Variants in LGALS8 observed in about 807,000 individuals in gnomAD.
LGALS8 encodes galectin 8, also known as galectin-8.
A neutral mutation model predicts 35.9 loss-of-function variants in LGALS8; 30 were observed. The observed-to-expected ratio is 0.83, with a 90% CI of 0.62 to 1.13. The LOEUF is 1.13. Ranked by LOEUF, LGALS8 falls within the 50% of genes most tolerant of loss-of-function variation. The pLI, the probability that LGALS8 is intolerant of heterozygous loss-of-function variation, is 0.00. For synonymous variants in LGALS8, 138 were observed against 136.1 expected (o/e 1.01, Z -0.10); for missense variants, 366 against 388.7 (o/e 0.94, Z 0.49).
At position 236,541,698 on chromosome 1, in the gene LGALS8, A is replaced by C; in HGVS notation, c.510A>C (p.Ile170=). Residue 170 remains isoleucine (I), a synonymous_variant, in exon 6 of 10, where the codon ATA becomes ATC. Coordinates refer to ENST00000366584, the MANE Select transcript of LGALS8 (RefSeq NM_201544.4). ...CATCTAGTCTGGAACTGACAGAGAT[A>C]AGTAGAGAAAATGTAAATATTAAAT... ...TQASSLELTE[I]SRENVPKSGT... 6.7e-7 allele frequency: 1 copy of C among 1,503,638 alleles called. No individual in the cohort carries two copies. The highest frequency in any genetic ancestry group is 9.1e-7 in the Non-Finnish European group (1 of 1,104,546). 93.1% of individuals were successfully genotyped at this position (1,503,638 alleles called of 1,614,324 possible).
In LGALS8 at chr1:236,539,094, G is replaced by C; in HGVS notation, c.345+5G>C. Reference sequence around the variant, plus strand: ...GTGCTGAAGGACAAATTCCAGGTAGGTTTTGGAGAGGGACAGGTTGAGTCC... The same window carrying C: ...GTGCTGAAGGACAAATTCCAGGTAGCTTTTGGAGAGGGACAGGTTGAGTCC... On this transcript the variant is annotated splice_donor_5th_base_variant and intron_variant, in intron 4 of 9. Coordinates refer to ENST00000366584, the MANE Select transcript of LGALS8 (RefSeq NM_201544.4). 1 of 1,612,274 alleles carries C rather than the reference G, an allele frequency of 6.2e-7. No homozygotes were observed. The highest frequency in any genetic ancestry group is 1.1e-5 in the South Asian group (1 of 91,002).
intron 2 of LGALS8, among the ~76,000 whole-genome samples, chr1:236,527,058 ACTTTGCG>A (rs1184480434): frequency 6.6e-5 from 10 of 152,152 alleles, no homozygotes; most frequent in African/African-American, 2.4e-4. Flanking sequence ...ATTTAAGATG[ACTTTGCG>A]CATGTTAGAG....
chr1:236,538,107 A>AAAAAAAAG (rs1204081676), intron 3 of LGALS8, among the ~76,000 whole-genome samples: 30 of 150,920 alleles, frequency 2.0e-4, no homozygotes, highest in African/African-American at 7.3e-4. Context: ...AAGAAAAAGA[A>AAAAAAAAG]AAAGAATTAG....
rs2758997 is a variant in LGALS8 at position 236,548,510 on chromosome 1, A to G, written c.*349A>G. On this transcript the variant is annotated 3_prime_UTR_variant, in exon 10 of 10. Transcript: ENST00000366584. ...CAGATTTTTTTTGGTAAAACTGTGA[A>G]GAGCTAGGATATATACTTGGTGAAA... 0.73 allele frequency: 208,283 copies of G among 284,594 alleles called. 76,845 individuals are homozygous for G. Among genetic ancestry groups the G allele is most frequent in the Admixed American group, 0.77 (15,966 of 20,816 alleles). The allele number at this position is 284,594 out of a possible 1,614,324, so 17.6% of individuals were successfully genotyped here.
intron 3 of LGALS8, among the ~76,000 whole-genome samples, chr1:236,538,255 G>A (rs952189764): frequency 6.6e-6 from 1 of 152,136 alleles, no homozygotes; most frequent in Non-Finnish European, 1.5e-5. Flanking sequence ...GGTATCATTA[G>A]TGTTGGGCTC....
chr1:236,529,872 C>T (rs1338908184), intron 2 of LGALS8, among the ~76,000 whole-genome samples: 2 of 152,004 alleles, frequency 1.3e-5, no homozygotes, highest in Non-Finnish European at 2.9e-5. Context: ...AGCCTGGTCT[C>T]GAACTCCTGA....
chr1:236,522,944 G>A (rs930206382), upstream of LGALS8: 1 of 152,138 alleles, frequency 6.6e-6, no homozygotes, highest in Admixed American at 6.6e-5. Flanking sequence ...CAAAAGCCAG[G>A]GAGGAGAAAG....
chr1:236,549,142 T>C lies in LGALS8; in HGVS notation c.*981T>C. 2.5e-6 allele frequency: 1 copy of C among 396,614 alleles called. No homozygotes were observed. Among genetic ancestry groups the C allele is most frequent in the Non-Finnish European group, 4.4e-6 (1 of 225,230 alleles). The allele number at this position is 396,614 out of a possible 1,614,324, so 24.6% of individuals were successfully genotyped here. The stretch of plus-strand genomic sequence containing the variant: ...GGCAGAGGTAATGCAGAAATCTGTT[T>C]TGTTCCCATGAAATCACCAATCAAG... On this transcript the variant is annotated 3_prime_UTR_variant, in exon 10 of 10. Coordinates refer to ENST00000366584, the MANE Select transcript of LGALS8 (RefSeq NM_201544.4).
At chr1:236,529,647 C>A (rs1439924742) in intron 2 of LGALS8, among the ~76,000 whole-genome samples, 5 of 106,096 alleles carry the variant, frequency 4.7e-5, no homozygotes, top group Non-Finnish European at 9.4e-5. Flanking sequence ...TCTTTCTTCT[C>A]TTTTTTTTTT....
In LGALS8 at chr1:236,537,581, G is replaced by C. The variant is rs749916125; in HGVS notation, c.130G>C (p.Asp44His). 4 of 1,596,762 alleles carry C rather than the reference G, an allele frequency of 2.5e-6. No homozygotes were observed. In the South Asian group the frequency reaches 4.4e-5, roughly 18 times the overall value. ...ACGTGGGCATGTTCCTAGTGACGCA[G>C]ACAGGTAAAATCACTGTGCTAAAGG... ...VIRGHVPSDA[D>H]RFQVDLQNGS... The change falls in exon 3 of 10, where the codon GAC becomes CAC. Residue 44 changes from aspartate (D) to histidine (H), a missense_variant. By Grantham distance (81) the Asp-to-His change is moderately conservative. Transcript: ENST00000366584.
chr1:236,519,565 G>A (rs546893132), upstream of LGALS8, among the ~76,000 whole-genome samples: 126 of 152,264 alleles, frequency 8.3e-4, no homozygotes, highest in African/African-American at 2.9e-3. Flanking sequence ...AATATCTATT[G>A]TTCTGAAACT....
intron 2 of LGALS8, among the ~76,000 whole-genome samples, chr1:236,529,480 G>A (rs1428735739): frequency 1.3e-5 from 2 of 151,260 alleles, no homozygotes; most frequent in African/African-American, 4.9e-5. Flanking sequence ...TACATGGGAG[G>A]TTGAGGCAGG....
At chr1:236,534,054 T>C (rs1571999371) in intron 2 of LGALS8, among the ~76,000 whole-genome samples, 2 of 152,002 alleles carry the variant, frequency 1.3e-5, no homozygotes, top group East Asian at 1.9e-4. Context: ...CCAGAGTGAA[T>C]ACTGCGTCAT....
At chr1:236,520,101 C>T (rs769298256), upstream of LGALS8, among the ~76,000 whole-genome samples, 1 of 151,760 alleles carries the variant, frequency 6.6e-6, no homozygotes, top group Non-Finnish European at 1.5e-5. Flanking sequence ...AAATTACAGG[C>T]ATGCGCCACA....
At chr1:236,537,102 C>T (rs1207937747) in intron 2 of LGALS8, among the ~76,000 whole-genome samples, 6 of 150,378 alleles carry the variant, frequency 4.0e-5, no homozygotes, top group African/African-American at 9.9e-5. Flanking sequence ...CTGCAAGCTC[C>T]GCCTCCCAGG....
At chr1:236,533,275 G>C (rs747736576) in intron 2 of LGALS8, among the ~76,000 whole-genome samples, 1 of 151,880 alleles carries the variant, frequency 6.6e-6, no homozygotes, top group Non-Finnish European at 1.5e-5. Context: ...GGCTACCTCA[G>C]TTAGAATTCC....
At chr1:236,530,942 C>A (rs990259116) in intron 2 of LGALS8, among the ~76,000 whole-genome samples, 1 of 152,118 alleles carries the variant, frequency 6.6e-6, no homozygotes, top group African/African-American at 2.4e-5. Context: ...GAAATATATC[C>A]TTCCTGAGAT....
At chr1:236,523,901 G>C (rs978319093), upstream of LGALS8, 4 of 348,938 alleles carry the variant, frequency 1.1e-5, no homozygotes, top group African/African-American at 8.6e-5. Context: ...GGGGAGGGTG[G>C]GGAGACCACA....
At chr1:236,546,892 A>G (rs903054746) in intron 9 of LGALS8, among the ~76,000 whole-genome samples, 1 of 151,982 alleles carries the variant, frequency 6.6e-6, no homozygotes, top group Non-Finnish European at 1.5e-5. Flanking sequence ...GGTTACACCT[A>G]TTTCCCCAAT....
Sources: allele counts gnomAD v4.1 joint callset (sites outside exome capture counted in the v4.1 genomes callset), GRCh38; gene constraint gnomAD v4.1.1; transcripts MANE v1.5; gene names NCBI Gene and HGNC (gene_info 2026-07-23, HGNC 2026-07-21).